Variants in KCTD1 observed in about 807,000 individuals in gnomAD.
KCTD1 encodes potassium channel tetramerization domain containing 1.
In KCTD1, 24 loss-of-function variants were observed where a neutral mutation model predicts 66.0. The ratio of observed to expected loss-of-function variants is 0.36; its 90% confidence interval spans 0.26 to 0.51. The LOEUF is 0.51. KCTD1 is among the 20% of genes least tolerant of loss of function. KCTD1 has a pLI of 0.95. For synonymous variants in KCTD1, 511 were observed against 517.2 expected, an observed-to-expected ratio of 0.99 and a Z score of 0.16; for missense variants, 943 against 1,205.2, an observed-to-expected ratio of 0.78 and a Z score of 3.22.
chr18:26,628,903 A>T (rs989380935), intron 1 of KCTD1, among the ~76,000 whole-genome samples: 1 of 152,206 alleles, frequency 6.6e-6, no homozygotes, highest in Non-Finnish European at 1.5e-5. Flanking sequence ...GAGGTTTTTA[A>T]ACTATGGCTC....
intron 1 of KCTD1, among the ~76,000 whole-genome samples, chr18:26,594,265 T>C (rs1476793057): frequency 1.3e-5 from 2 of 152,176 alleles, no homozygotes; most frequent in Non-Finnish European, 2.9e-5. Flanking sequence ...CAGTAGAGTA[T>C]TAGGAAGATC....
intron 1 of KCTD1, among the ~76,000 whole-genome samples, chr18:26,618,735 A>G (rs1165852084): frequency 6.6e-6 from 1 of 152,226 alleles, no homozygotes; most frequent in Non-Finnish European, 1.5e-5. Flanking sequence ...CTGATACTTG[A>G]AAAATTCAAC....
chr18:26,638,160 G>A (rs151040925), intron 1 of KCTD1, among the ~76,000 whole-genome samples: 20 of 152,224 alleles, frequency 1.3e-4, no homozygotes, highest in East Asian at 3.9e-4. Flanking sequence ...CAAAAGCACC[G>A]CAGCTTGTTA....
In KCTD1 at chr18:26,455,620, G is replaced by A; in HGVS notation, c.*123C>T. ...GGTGTGGTCTCTATTGGATATAAATGTGTCTTTTATTCGATTTTACGTCCA... is the reference window on the plus strand; with the variant it reads ...GGTGTGGTCTCTATTGGATATAAATATGTCTTTTATTCGATTTTACGTCCA... On this transcript the variant is annotated 3_prime_UTR_variant, in exon 5 of 5. Coordinates refer to ENST00000580059, the MANE Select transcript of KCTD1 (RefSeq NM_001142730.3). 6.0e-6 allele frequency: 7 copies of A among 1,167,410 alleles called. No individual in the cohort carries two copies. The highest frequency in any genetic ancestry group is 7.5e-6 in the Non-Finnish European group (6 of 802,748). The allele number at this position is 1,167,410 out of a possible 1,614,324, so 72.3% of individuals were successfully genotyped here.
chr18:26,484,235 T>C (rs553756553), intron 2 of KCTD1, among the ~76,000 whole-genome samples: 7 of 152,336 alleles, frequency 4.6e-5, no homozygotes, highest in African/African-American at 1.4e-4. Context: ...GAGCTTGTTA[T>C]AGAAATGGAT....
upstream of KCTD1, among the ~76,000 whole-genome samples, chr18:26,643,421 A>G (rs1987868435): frequency 6.6e-6 from 1 of 152,220 alleles, no homozygotes; most frequent in Non-Finnish European, 1.5e-5. Flanking sequence ...TGTAGGCTAC[A>G]GGAAGGGGCC....
At chr18:26,617,615 T>A (rs956476817) in intron 1 of KCTD1, among the ~76,000 whole-genome samples, 26 of 152,212 alleles carry the variant, frequency 1.7e-4, no homozygotes, top group African/African-American at 6.0e-4. Context: ...TTTTAATGCA[T>A]GTAATTTTTC....
At chr18:26,582,105 C>CAA (rs34695011) in intron 1 of KCTD1, among the ~76,000 whole-genome samples, 2 of 134,802 alleles carry the variant, frequency 1.5e-5, no homozygotes. Flanking sequence ...CTGTCTCTAC[C>CAA]AAAAAAAAAA....
Position 26,548,074 on chromosome 18 carries a change from G to C in KCTD1, c.463C>G (p.Leu155Val), listed in dbSNP as rs951860118. 7.0e-7 allele frequency: 1 copy of C among 1,426,296 alleles called. No homozygotes were observed. Among genetic ancestry groups the C allele is most frequent in the Non-Finnish European group, 9.1e-7 (1 of 1,097,010 alleles). 88.4% of individuals were successfully genotyped at this position (1,426,296 alleles called of 1,614,324 possible). The change falls in exon 1 of 5, where the codon CTG (leucine) becomes GTG (valine). Residue 155 changes from leucine to valine, a missense_variant. By Grantham distance (32) the Leu-to-Val change is conservative. Coordinates refer to ENST00000580059, the MANE Select transcript of KCTD1 (RefSeq NM_001142730.3). Reference sequence around the variant, plus strand: ...GGGCGCTGCAGCACGTCGGGGTCCAGCTCGGAGCCGTCCCCGGGCGGCCCA... The same window carrying C: ...GGGCGCTGCAGCACGTCGGGGTCCACCTCGGAGCCGTCCCCGGGCGGCCCA... ...RGGPPGDGSE[L>V]DPDVLQRPER... is the part of the protein sequence containing the mutation.
At chr18:26,587,532 G>T (rs755001055) in intron 1 of KCTD1, among the ~76,000 whole-genome samples, 1 of 152,148 alleles carries the variant, frequency 6.6e-6, no homozygotes, top group Non-Finnish European at 1.5e-5. Flanking sequence ...ATTTCATAAC[G>T]TGATAACAGC....
chr18:26,467,022 T>A (rs1003534530), intron 3 of KCTD1, among the ~76,000 whole-genome samples: 45 of 152,240 alleles, frequency 3.0e-4, no homozygotes, highest in Non-Finnish European at 5.0e-4. Flanking sequence ...TAATTTTTTT[T>A]AAATGGAAAG....
chr18:26,643,713 A>C (rs951071551), upstream of KCTD1, among the ~76,000 whole-genome samples: 7 of 152,140 alleles, frequency 4.6e-5, no homozygotes. Context: ...CTGTAATCCC[A>C]GCACTTTGGG....
At position 26,468,369 on chromosome 18, in the gene KCTD1, C is replaced by T. The variant is rs1406754452; in HGVS notation, c.2133+8146G>A. On this transcript the variant is annotated intron_variant, in intron 3 of 4. Coordinates refer to ENST00000580059, the MANE Select transcript of KCTD1 (RefSeq NM_001142730.3). This position sits in a 1 kb window ranked among gnomAD's most constrained non-coding sequence, Gnocchi z 4.8. The stretch of plus-strand genomic sequence containing the variant: ...TTATCTCAAAGATGAAATGGGTATC[C>T]GGCTCGGACAGCACATTTGCGGAAT... Among the ~76,000 whole-genome samples the T allele has an allele frequency of 5.9e-5, 9 of 152,140 alleles. No individual in the cohort carries two copies. Among genetic ancestry groups the T allele is most frequent in the Non-Finnish European group, 7.4e-5 (5 of 68,012 alleles).
intron 1 of KCTD1, chr18:26,575,460 C>G (rs1986204125): frequency 6.6e-6 from 1 of 152,270 alleles, no homozygotes; most frequent in South Asian, 2.1e-4. Context: ...CTGGACGGGG[C>G]GGTTTCTAAC....
At chr18:26,637,698 C>T (rs372127320) in intron 1 of KCTD1, among the ~76,000 whole-genome samples, 92 of 152,318 alleles carry the variant, frequency 6.0e-4, no homozygotes, top group African/African-American at 2.2e-3. Flanking sequence ...GTTGATTCAG[C>T]GGTCGGCTCA....
chr18:26,502,073 G>A lies in KCTD1; in HGVS notation c.1810-823C>T, dbSNP rs1172085755. On this transcript the variant is annotated intron_variant, in intron 1 of 4. Transcript: ENST00000580059. ...TACCTTTTTTTTCTTTTTTTGAGAT[G>A]GAGTCTCGCTCTGTCGCCCAGGCTG... is the stretch of plus-strand genomic sequence containing the variant. Among the ~76,000 whole-genome samples, 4 of 152,068 alleles carry A rather than the reference G, an allele frequency of 2.6e-5. No individual in the cohort carries two copies. The East Asian group carries it at 7.7e-4, about 29-fold the overall frequency.
chr18:26,584,164 A>G (rs1235234172), intron 1 of KCTD1, among the ~76,000 whole-genome samples: 1 of 152,192 alleles, frequency 6.6e-6, no homozygotes, highest in Non-Finnish European at 1.5e-5. Context: ...GGGCTCATCA[A>G]GTGTGCTGGC....
intron 1 of KCTD1, among the ~76,000 whole-genome samples, chr18:26,538,334 T>TA (rs567366784): frequency 6.6e-6 from 1 of 152,090 alleles, no homozygotes; most frequent in Non-Finnish European, 1.5e-5. Context: ...GGTGTGGAGT[T>TA]AAATCCCACG....
chr18:26,616,070 C>T (rs1328122987), intron 1 of KCTD1, among the ~76,000 whole-genome samples: 2 of 151,950 alleles, frequency 1.3e-5, no homozygotes, highest in African/African-American at 2.4e-5. Context: ...GGATTACAGG[C>T]GTGAGCCACT....
Sources: allele counts gnomAD v4.1 joint callset (sites outside exome capture counted in the v4.1 genomes callset), GRCh38; gene constraint gnomAD v4.1.1; non-coding constraint Gnocchi (gnomAD v3.1); transcripts MANE v1.5; gene names NCBI Gene and HGNC (gene_info 2026-07-23, HGNC 2026-07-21).